Variants in EDIL3 observed in about 807,000 individuals in gnomAD.
EDIL3 encodes EGF like and discoidin domains 3, also known as EGF-like repeat and discoidin I-like domain-containing protein 3.
Under a neutral mutation model 67.4 loss-of-function variants are expected in EDIL3, and 37 were observed. The observed-to-expected ratio is 0.55, with a 90% CI of 0.42 to 0.72. The LOEUF is 0.72. Among genes scored for constraint, EDIL3 ranks in the 30% least tolerant of loss-of-function variants. The probability of loss-of-function intolerance (pLI) is 0.00; values close to 1 mark genes in which losing one functional copy is unlikely to be tolerated. For synonymous variants in EDIL3, 195 were observed against 196.3 expected (o/e 0.99, Z 0.05); for missense variants, 527 against 586.3 (o/e 0.90, Z 1.04).
intron 10 of EDIL3, among the ~76,000 whole-genome samples, chr5:83,954,778 G>A (rs1271986743): frequency 1.3e-5 from 2 of 151,622 alleles, no homozygotes; most frequent in African/African-American, 2.4e-5. Context: ...CAGATTGATC[G>A]AGTACTTGTT....
intron 1 of EDIL3, among the ~76,000 whole-genome samples, chr5:84,321,258 T>C (rs1288898371): frequency 6.6e-6 from 1 of 152,176 alleles, no homozygotes; most frequent in African/African-American, 2.4e-5. Context: ...TTTGAAAATA[T>C]CTTTCATTTG....
In EDIL3 at chr5:84,182,542, G is replaced by A. The variant is rs150793827; in HGVS notation, c.227-2021C>T. 1.4e-3 allele frequency among the ~76,000 whole-genome samples: 217 copies of A among 151,940 alleles called. 2 individuals carry two copies. Among genetic ancestry groups the A allele is most frequent in the Middle Eastern group, 6.8e-3 (2 of 294 alleles). On this transcript the variant is annotated intron_variant, in intron 3 of 10. Coordinates refer to ENST00000296591, the MANE Select transcript of EDIL3 (RefSeq NM_005711.5). ...CAGCATCACTTCAAGCACTGCAATC[G>A]GACCTCAACCATGGGTGGGAAGCAC...
intron 9 of EDIL3, among the ~76,000 whole-genome samples, chr5:83,992,467 G>T (rs1006115417): frequency 1.3e-5 from 2 of 152,134 alleles, no homozygotes; most frequent in African/African-American, 4.8e-5. Context: ...TTACGTCAAT[G>T]AATGGTTCAA....
chr5:84,119,997 T>C (rs1747742854), intron 5 of EDIL3, among the ~76,000 whole-genome samples: 1 of 151,964 alleles, frequency 6.6e-6, no homozygotes, highest in Non-Finnish European at 1.5e-5. Context: ...GGAAAAAAAT[T>C]CACAAAATGC....
chr5:84,223,119 T>C (rs1744379523), intron 3 of EDIL3, among the ~76,000 whole-genome samples: 1 of 151,740 alleles, frequency 6.6e-6, no homozygotes, highest in Non-Finnish European at 1.5e-5. Flanking sequence ...ATGTTTAAGT[T>C]TTCAATCTAT....
chr5:83,953,844 C>T (rs1744461394), intron 10 of EDIL3, among the ~76,000 whole-genome samples: 1 of 151,794 alleles, frequency 6.6e-6, no homozygotes, highest in Admixed American at 6.6e-5. Context: ...CGGCTTATTA[C>T]AGGTGTATTT....
At chr5:84,086,597 G>C (rs115815603) in intron 6 of EDIL3, among the ~76,000 whole-genome samples, 1 of 151,990 alleles carries the variant, frequency 6.6e-6, no homozygotes, top group Non-Finnish European at 1.5e-5. Flanking sequence ...GTTTCTATTC[G>C]GCCATCTTGG....
intron 4 of EDIL3, among the ~76,000 whole-genome samples, chr5:84,176,596 A>G (rs1310883075): frequency 6.6e-6 from 1 of 151,746 alleles, no homozygotes; most frequent in Non-Finnish European, 1.5e-5. Context: ...GTTACCAGGC[A>G]ATACATAAAA....
intron 1 of EDIL3, among the ~76,000 whole-genome samples, chr5:84,270,339 G>A (rs1561241065): frequency 6.6e-6 from 1 of 152,086 alleles, no homozygotes; most frequent in South Asian, 2.1e-4. Flanking sequence ...CTAAACGTGG[G>A]ATCTTCAGGA....
intron 9 of EDIL3, among the ~76,000 whole-genome samples, chr5:84,024,654 T>TAGAAGAAAA: frequency 6.6e-6 from 1 of 152,122 alleles, no homozygotes; most frequent in Admixed American, 6.6e-5. Flanking sequence ...TGACTTGGGG[T>TAGAAGAAAA]CCAAGTAGAA....
At chr5:84,066,676 T>G in intron 6 of EDIL3, 70 bp from the exon 7 acceptor site, 1 of 1,544,238 alleles carries the variant, frequency 6.5e-7, no homozygotes. Context: ...ATACGAATTT[T>G]AGAAATGAAA....
chr5:84,277,159 A>C (rs1257000700), intron 1 of EDIL3, among the ~76,000 whole-genome samples: 1 of 152,178 alleles, frequency 6.6e-6, no homozygotes, highest in Non-Finnish European at 1.5e-5. Context: ...TGGAATGTTT[A>C]CATCCCCCCA....
chr5:84,295,494 AT>A (rs1373005312), intron 1 of EDIL3, among the ~76,000 whole-genome samples: 1 of 152,086 alleles, frequency 6.6e-6, no homozygotes, highest in Non-Finnish European at 1.5e-5. Flanking sequence ...ATATTTAGAT[AT>A]TTTTTGAATA....
chr5:84,349,918 A>G (rs1747320048), intron 1 of EDIL3, among the ~76,000 whole-genome samples: 2 of 152,146 alleles, frequency 1.3e-5, no homozygotes, highest in African/African-American at 2.4e-5. Flanking sequence ...TGTTCCAAAA[A>G]CTTTATCAAT....
At chr5:84,152,053 G>A (rs1158975756) in intron 4 of EDIL3, among the ~76,000 whole-genome samples, 2 of 151,940 alleles carry the variant, frequency 1.3e-5, no homozygotes, top group African/African-American at 2.4e-5. Flanking sequence ...CAGAGTAGCT[G>A]GGATTACAAG....
rs1744212918 is a variant in EDIL3, at chr5:83,940,940, T to C, written c.*2479A>G. ...AAATACCTTCAAAAGGATGTAGATA[T>C]AATGGAGATGTTTAAAAGTTTAGTT... On this transcript the variant is annotated 3_prime_UTR_variant, in exon 11 of 11. Transcript: ENST00000296591. 1 of 152,054 alleles carries C rather than the reference T, an allele frequency of 6.6e-6. No homozygotes were observed. The highest frequency in any genetic ancestry group is 2.4e-5 in the African/African-American group (1 of 41,462). The allele number at this position is 152,054 out of a possible 1,614,324, so 9.4% of individuals were successfully genotyped here.
chr5:83,971,404 G>T (rs1054627020), intron 9 of EDIL3, among the ~76,000 whole-genome samples: 1 of 151,486 alleles, frequency 6.6e-6, no homozygotes, highest in African/African-American at 2.4e-5. Context: ...AGCCTCCTGA[G>T]TAGCTAGGGG....
intron 9 of EDIL3, among the ~76,000 whole-genome samples, chr5:83,985,185 A>C (rs1222398771): frequency 6.8e-6 from 1 of 146,144 alleles, no homozygotes; most frequent in Non-Finnish European, 1.5e-5. Flanking sequence ...TTTCCTTGCA[A>C]ATTGATTACA....
chr5:84,020,074 T>TCCAA (rs1554063973), intron 9 of EDIL3, among the ~76,000 whole-genome samples: 24 of 15,448 alleles, frequency 1.6e-3, no homozygotes, highest in Non-Finnish European at 4.2e-3. Context: ...TTATCTTTTG[T>TCCAA]ACAAAAAAAA....
Sources: gnomAD v4.1 joint callset for allele counts (sites outside exome capture counted in the v4.1 genomes callset) on GRCh38, gnomAD v4.1.1 for gene constraint, MANE v1.5 for transcripts, NCBI Gene and HGNC (gene_info 2026-07-23, HGNC 2026-07-21) for gene names.